Variants in SLC14A2 observed in about 807,000 individuals in gnomAD.
SLC14A2 encodes urea transporter 2.
Under a neutral mutation model 104.6 loss-of-function variants are expected in SLC14A2, and 91 were observed. The observed-to-expected ratio is 0.87, with a 90% CI of 0.73 to 1.04. SLC14A2 has a LOEUF of 1.04. Among genes scored for constraint, SLC14A2 ranks in the 50% least tolerant of loss-of-function variants. The pLI, the probability that SLC14A2 is intolerant of heterozygous loss-of-function variation, is 0.00. For synonymous variants in SLC14A2, 476 were observed against 466.4 expected (o/e 1.02, Z -0.27); for missense variants, 1,189 against 1,156.0 (o/e 1.03, Z -0.41).
At chr18:45,321,903 A>G (rs930843872) in intron 1 of SLC14A2, among the ~76,000 whole-genome samples, 2 of 152,146 alleles carry the variant, frequency 1.3e-5, no homozygotes, top group African/African-American at 4.8e-5. Context: ...TGCCCTGTCA[A>G]CTGAGTCATT....
chr18:45,586,401 C>A (rs920749571), intron 2 of SLC14A2, among the ~76,000 whole-genome samples: 1 of 152,158 alleles, frequency 6.6e-6, no homozygotes, highest in South Asian at 2.1e-4. Flanking sequence ...AGCTGACGCT[C>A]ATAAACTTTG....
intron 1 of SLC14A2, among the ~76,000 whole-genome samples, chr18:45,315,842 G>A (rs1392320691): frequency 6.6e-6 from 1 of 152,194 alleles, no homozygotes; most frequent in East Asian, 1.9e-4. Flanking sequence ...AGGAGAAGAG[G>A]TTGGCGTGGA....
chr18:45,566,019 C>A (rs1011711535), intron 2 of SLC14A2, among the ~76,000 whole-genome samples: 1 of 152,146 alleles, frequency 6.6e-6, no homozygotes, highest in Non-Finnish European at 1.5e-5. Context: ...AGTTTGTGCA[C>A]AGCTTCCTTA....
intron 1 of SLC14A2, among the ~76,000 whole-genome samples, chr18:45,478,295 C>T (rs535269590): frequency 1.4e-4 from 22 of 152,320 alleles, no homozygotes; most frequent in African/African-American, 2.4e-4. Context: ...TGCTTCTGCT[C>T]GCCCTAAATG....
At chr18:45,513,234 T>C (rs2043392640) in intron 2 of SLC14A2, among the ~76,000 whole-genome samples, 1 of 152,224 alleles carries the variant, frequency 6.6e-6, no homozygotes, top group African/African-American at 2.4e-5. Context: ...TACTTCTAAC[T>C]GTTTCTGTGT....
chr18:45,542,032 A>AG (rs1598983166), intron 2 of SLC14A2, among the ~76,000 whole-genome samples: 1 of 61,688 alleles, frequency 1.6e-5, no homozygotes, highest in African/African-American at 5.5e-5. Flanking sequence ...TGAAAGAGAG[A>AG]GGGTTTTTTT....
At chr18:45,613,466 G>A (rs1173590301), upstream of SLC14A2, among the ~76,000 whole-genome samples, 8 of 152,146 alleles carry the variant, frequency 5.3e-5, no homozygotes, top group Admixed American at 1.3e-4. Context: ...TGGAGAGCTC[G>A]GAGGAAGATA....
chr18:45,342,727 A>T (rs2085408518), intron 1 of SLC14A2, among the ~76,000 whole-genome samples: 1 of 152,224 alleles, frequency 6.6e-6, no homozygotes, highest in African/African-American at 2.4e-5. Context: ...AGGTAAATTG[A>T]GCCAGACTTG....
At chr18:45,487,199 G>C (rs1010207274) in intron 2 of SLC14A2, among the ~76,000 whole-genome samples, 2 of 152,196 alleles carry the variant, frequency 1.3e-5, no homozygotes, top group Non-Finnish European at 1.5e-5. Flanking sequence ...AGCTTCTAGA[G>C]GTTGCCTGCA....
intron 2 of SLC14A2, among the ~76,000 whole-genome samples, chr18:45,571,849 T>C (rs2044350731): frequency 6.6e-6 from 1 of 152,148 alleles, no homozygotes; most frequent in Non-Finnish European, 1.5e-5. Context: ...TTGAGTAAAA[T>C]ATAATATGGG....
intron 1 of SLC14A2, among the ~76,000 whole-genome samples, chr18:45,430,333 GT>G (rs1487848579): frequency 3.9e-5 from 6 of 152,168 alleles, no homozygotes; most frequent in African/African-American, 1.4e-4. Flanking sequence ...AGTTATATTT[GT>G]TGGACATTTG....
At chr18:45,248,027 G>A (rs9807673) in intron 1 of SLC14A2, among the ~76,000 whole-genome samples, 10,295 of 151,946 alleles carry the variant, frequency 0.068, 455 homozygotes, top group Non-Finnish European at 0.098. Flanking sequence ...TTGTCAGTAG[G>A]GAGCAAAAAA....
At chr18:45,241,575 G>A (rs1160026030) in intron 1 of SLC14A2, among the ~76,000 whole-genome samples, 1 of 152,014 alleles carries the variant, frequency 6.6e-6, no homozygotes, top group Non-Finnish European at 1.5e-5. Context: ...ACCATCTCCA[G>A]GCAGTCCTCT....
chr18:45,542,907 A>G (rs1429640815), intron 2 of SLC14A2, among the ~76,000 whole-genome samples: 2 of 148,442 alleles, frequency 1.3e-5, no homozygotes, highest in African/African-American at 5.2e-5. Flanking sequence ...TTATATAATC[A>G]TTTTATTTTT....
intron 1 of SLC14A2, among the ~76,000 whole-genome samples, chr18:45,292,151 G>A (rs12455457): frequency 0.1 from 15,713 of 152,174 alleles, 998 homozygotes; most frequent in African/African-American, 0.16. Flanking sequence ...GAAACAGTTA[G>A]GGCTCTAATT....
Position 45,680,351 on chromosome 18 carries a change from A to G in SLC14A2, c.2562+1327A>G, listed in dbSNP as rs529084019. ...TTTCAGAGAAGTTACAGATTAGACT[A>G]TTCAGTTTAGACATCTTTCAAAACA... On this transcript the variant is annotated intron_variant, in intron 19 of 19. Transcript: ENST00000255226. 2.0e-5 allele frequency among the ~76,000 whole-genome samples: 3 copies of G among 152,326 alleles called. No individual in the cohort carries two copies. In the South Asian group the frequency reaches 6.2e-4, roughly 32 times the overall value.
chr18:45,238,956 C>T (rs1344974168), intron 1 of SLC14A2, among the ~76,000 whole-genome samples: 1 of 151,990 alleles, frequency 6.6e-6, no homozygotes, highest in Non-Finnish European at 1.5e-5. Flanking sequence ...ACTACACTAT[C>T]AGAAAGAATA....
intron 1 of SLC14A2, among the ~76,000 whole-genome samples, chr18:45,254,098 C>T (rs1158344021): frequency 6.6e-6 from 1 of 152,138 alleles, no homozygotes; most frequent in Non-Finnish European, 1.5e-5. Context: ...CTGGGACGAT[C>T]CCTGTGCCGA....
chr18:45,305,126 C>T (rs1276510408), intron 1 of SLC14A2, among the ~76,000 whole-genome samples: 1 of 152,096 alleles, frequency 6.6e-6, no homozygotes. Context: ...TGGGATGGGG[C>T]TGGGAAGGCC....
Sources: allele counts gnomAD v4.1 joint callset (sites outside exome capture counted in the v4.1 genomes callset), GRCh38; gene constraint gnomAD v4.1.1; transcripts MANE v1.5; gene names NCBI Gene and HGNC (gene_info 2026-07-23, HGNC 2026-07-21).